Variants in TXNL4A observed in about 807,000 individuals in gnomAD.
The protein encoded by TXNL4A is thioredoxin-like protein 4A.
A neutral mutation model predicts 14.6 loss-of-function variants in TXNL4A; 17 were observed. That is an observed-to-expected ratio of 1.16 (90% CI 0.80 to 1.74). The LOEUF (loss-of-function observed/expected upper bound fraction) is 1.74. Ranked by LOEUF, TXNL4A falls within the 40% of genes most tolerant of loss-of-function variation. TXNL4A has a pLI of 0.00. For synonymous variants in TXNL4A, 83 were observed against 70.6 expected, an observed-to-expected ratio of 1.18 and a Z score of -0.88; for missense variants, 74 against 195.2, an observed-to-expected ratio of 0.38 and a Z score of 3.70.
intron 1 of TXNL4A, among the ~76,000 whole-genome samples, chr18:80,030,984 A>G (rs1307173451): frequency 3.3e-5 from 5 of 152,180 alleles, no homozygotes; most frequent in Admixed American, 1.3e-4. Context: ...ATGAACAAAT[A>G]AAAACACTCT....
At position 79,993,846 on chromosome 18, in the gene TXNL4A, G is replaced by A. The variant is rs2051643068; in HGVS notation, c.-60-16145C>T. The stretch of plus-strand genomic sequence containing the variant: ...TTCTCCCCAGAAAAACATGCTTAAG[G>A]TCTAATCTCATCTGGTAGGTGCATA... On this transcript the variant is annotated intron_variant, in intron 1 of 2. Coordinates refer to the TXNL4A transcript ENST00000585474. This position sits in a 1 kb window ranked among gnomAD's most constrained non-coding sequence, Gnocchi z 4.4. Among the ~76,000 whole-genome samples the A allele has an allele frequency of 6.6e-6, 1 of 152,140 alleles. No homozygotes were observed. The highest frequency in any genetic ancestry group is 1.5e-5 in the Non-Finnish European group (1 of 68,034).
chr18:79,981,575 G>A (rs1416697346), intron 1 of TXNL4A, among the ~76,000 whole-genome samples: 1 of 152,222 alleles, frequency 6.6e-6, no homozygotes, highest in East Asian at 1.9e-4. Context: ...GGGAGGCTGA[G>A]GCAGGAGAAT....
chr18:79,985,050 T>C (rs756339521), intron 1 of TXNL4A, among the ~76,000 whole-genome samples: 15 of 151,762 alleles, frequency 9.9e-5, no homozygotes, highest in Non-Finnish European at 1.8e-4. Context: ...GTCCATGAAA[T>C]TGTCTCCTGT....
At chr18:80,028,852 T>C (rs2051902457) in intron 1 of TXNL4A, among the ~76,000 whole-genome samples, 1 of 152,174 alleles carries the variant, frequency 6.6e-6, no homozygotes, top group Non-Finnish European at 1.5e-5. Context: ...ATGTACAACA[T>C]GTATCAGAGC....
Position 79,988,360 on chromosome 18 carries a change from G to C in TXNL4A, c.33C>G (p.Gly11=). ...AGAGGATGGCCTGGTCCACCTGCCA[G>C]CCGTTGTGCAGGTGCGGGAGCATGT... The part of the protein sequence containing the change: MSYMLPHLHN[G]WQVDQAILSE... Residue 11 remains glycine, a synonymous_variant, in exon 1 of 3, where the codon GGC becomes GGG. Coordinates refer to ENST00000269601, the MANE Select transcript of TXNL4A (RefSeq NM_006701.5). The C allele has an allele frequency of 6.4e-7, 1 of 1,557,376 alleles. No individual in the cohort carries two copies.
chr18:80,003,893 G>GT (rs2051712750), intron 1 of TXNL4A, among the ~76,000 whole-genome samples: 1 of 152,134 alleles, frequency 6.6e-6, no homozygotes, highest in Non-Finnish European at 1.5e-5. Flanking sequence ...ATCAGATCCC[G>GT]TGAGACTCAC....
At chr18:80,015,381 T>G (rs1351751291) in intron 1 of TXNL4A, among the ~76,000 whole-genome samples, 1 of 150,890 alleles carries the variant, frequency 6.6e-6, no homozygotes. Context: ...ATTATTATAC[T>G]TTAAGTTTTA....
chr18:80,026,622 T>C (rs983152668), intron 1 of TXNL4A, among the ~76,000 whole-genome samples: 3 of 152,168 alleles, frequency 2.0e-5, no homozygotes, highest in African/African-American at 4.8e-5. Flanking sequence ...AAAGTTAACA[T>C]GGTGGGTATG....
chr18:80,030,008 G>A (rs1381583235), intron 1 of TXNL4A, among the ~76,000 whole-genome samples: 3 of 152,144 alleles, frequency 2.0e-5, no homozygotes, highest in Non-Finnish European at 4.4e-5. Context: ...CAACCCCAAT[G>A]GAAGGGCCCA....
At chr18:80,013,570 G>C (rs1008826658) in intron 1 of TXNL4A, among the ~76,000 whole-genome samples, 6 of 152,132 alleles carry the variant, frequency 3.9e-5, no homozygotes, top group Non-Finnish European at 7.4e-5. Flanking sequence ...AAGTAGCTGG[G>C]ATTACTGGCA....
intron 1 of TXNL4A, among the ~76,000 whole-genome samples, chr18:79,984,059 C>A (rs528039786): frequency 7.0e-4 from 107 of 152,232 alleles, no homozygotes; most frequent in Non-Finnish European, 1.2e-3. Context: ...CTCAACATCA[C>A]CCCTCATACC....
At chr18:80,017,345 AC>A (rs2051818463) in intron 1 of TXNL4A, among the ~76,000 whole-genome samples, 1 of 152,030 alleles carries the variant, frequency 6.6e-6, no homozygotes, top group South Asian at 2.1e-4. Flanking sequence ...CTAATTGAAT[AC>A]CCTTTATTTC....
chr18:79,976,214 C>T (rs945673834), intron 2 of TXNL4A, among the ~76,000 whole-genome samples: 2 of 152,166 alleles, frequency 1.3e-5, no homozygotes, highest in African/African-American at 4.8e-5. Context: ...TGCACTCCAC[C>T]CTGGGTGAGA....
At chr18:79,997,542 C>G (rs540661364) in intron 1 of TXNL4A, among the ~76,000 whole-genome samples, 19 of 152,262 alleles carry the variant, frequency 1.2e-4, no homozygotes, top group African/African-American at 4.6e-4. Flanking sequence ...AGTTGCAGAT[C>G]TCTGCAGTGC....
intron 1 of TXNL4A, among the ~76,000 whole-genome samples, chr18:80,002,641 A>C (rs2051705130): frequency 6.6e-6 from 1 of 152,202 alleles, no homozygotes; most frequent in Non-Finnish European, 1.5e-5. Context: ...GAGCATGCCC[A>C]TATTTAGTAT....
intron 1 of TXNL4A, among the ~76,000 whole-genome samples, chr18:80,009,079 C>CT (rs2051752329): frequency 6.6e-6 from 1 of 152,274 alleles, no homozygotes; most frequent in Non-Finnish European, 1.5e-5. Context: ...GCCCGGCCTA[C>CT]TTTATTTTTC....
chr18:80,033,617 C>G (rs190228409), intron 1 of TXNL4A, among the ~76,000 whole-genome samples: 405 of 152,366 alleles, frequency 2.7e-3, no homozygotes, highest in African/African-American at 9.3e-3. Context: ...CTCCAGGCTT[C>G]GATGCCTTCG....
At chr18:80,018,412 C>T (rs577334908) in intron 1 of TXNL4A, among the ~76,000 whole-genome samples, 16 of 152,002 alleles carry the variant, frequency 1.1e-4, no homozygotes, top group African/African-American at 2.9e-4. Context: ...ACGCTAACAT[C>T]GCAATTAAAA....
upstream of TXNL4A, among the ~76,000 whole-genome samples, chr18:79,990,696 A>G (rs2051621282): frequency 6.6e-6 from 1 of 152,224 alleles, no homozygotes; most frequent in Non-Finnish European, 1.5e-5. Flanking sequence ...ATTGAAACTC[A>G]TTTTTTATTG....
Sources: gnomAD v4.1 joint callset for allele counts (sites outside exome capture counted in the v4.1 genomes callset) on GRCh38, gnomAD v4.1.1 for gene constraint, Gnocchi (gnomAD v3.1) non-coding constraint, MANE v1.5 for transcripts, NCBI Gene and HGNC (gene_info 2026-07-23, HGNC 2026-07-21) for gene names.